The following RGS6 variants were observed in gnomAD, a reference collection of about 807,000 sequenced individuals.
RGS6 encodes regulator of G-protein signaling 6.
A neutral mutation model predicts 78.5 loss-of-function variants in RGS6; 30 were observed. The ratio of observed to expected loss-of-function variants is 0.38; its 90% CI spans 0.29 to 0.52. The LOEUF is 0.52. Ranked by LOEUF, RGS6 falls within the 20% of genes least tolerant of loss-of-function variation. The pLI is 0.85. For missense variants in RGS6, 495 were observed against 609.7 expected (o/e 0.81, Z 1.98); for synonymous variants, 206 against 206.0 (o/e 1.00, Z 0.00).
chr14:72,301,937 C>A (rs570437291), intron 2 of RGS6, among the ~76,000 whole-genome samples: 1 of 152,158 alleles, frequency 6.6e-6, no homozygotes, highest in African/African-American at 2.4e-5. Context: ...GGGGTGGGGA[C>A]TTCAATATAT....
chr14:72,244,981 C>T (rs1254113582), intron 2 of RGS6, among the ~76,000 whole-genome samples: 3 of 152,158 alleles, frequency 2.0e-5, no homozygotes, highest in African/African-American at 7.2e-5. Flanking sequence ...CCCACCACCA[C>T]ACCCCACTAA....
At chr14:71,930,395 T>C (rs1380213921), upstream of RGS6, among the ~76,000 whole-genome samples, 3 of 152,138 alleles carry the variant, frequency 2.0e-5, no homozygotes, top group Non-Finnish European at 2.9e-5. Flanking sequence ...CTCTATTACA[T>C]ACATATATAT....
intron 1 of RGS6, among the ~76,000 whole-genome samples, chr14:71,937,308 CA>C (rs2089630950): frequency 6.6e-6 from 1 of 152,122 alleles, no homozygotes; most frequent in Non-Finnish European, 1.5e-5. Flanking sequence ...TCTAGGCCAG[CA>C]GAAGGTAATG....
chr14:72,329,556 C>G (rs534302644), intron 2 of RGS6, among the ~76,000 whole-genome samples: 1 of 152,262 alleles, frequency 6.6e-6, no homozygotes, highest in Non-Finnish European at 1.5e-5. Context: ...CCAGTAAGTC[C>G]TTTTCTAAGG....
rs555673092 is a variant in RGS6 at position 72,495,233 on chromosome 14, T to C, written c.936T>C (p.Asp312=). 8.1e-6 allele frequency: 13 copies of C among 1,613,404 alleles called. No homozygotes were observed. Among genetic ancestry groups the C allele is most frequent in the Middle Eastern group, 1.7e-4 (1 of 6,058 alleles). The part of the protein sequence containing the change: ...PAEPSNPWIS[D]DVALWDIEMS... Reference sequence around the variant, plus strand: ...AGCCATCCAACCCTTGGATCAGCGATGACGTTGCTTTGTGGGACATAGAGA... The same window carrying C: ...AGCCATCCAACCCTTGGATCAGCGACGACGTTGCTTTGTGGGACATAGAGA... Residue 312 remains aspartate (D), a synonymous_variant, in exon 13 of 18, where the codon GAT becomes GAC. Transcript: ENST00000553525.
At chr14:72,374,157 G>A (rs1009367262) in intron 3 of RGS6, among the ~76,000 whole-genome samples, 1 of 152,090 alleles carries the variant, frequency 6.6e-6, no homozygotes, top group Non-Finnish European at 1.5e-5. Context: ...TGTTACATAT[G>A]TATACATGTG....
At position 72,563,667 on chromosome 14, in the gene RGS6, A is replaced by G. The variant is rs548444587; in HGVS notation, c.*1200A>G. The G allele has an allele frequency of 1.3e-5, 2 of 152,388 alleles. No individual in the cohort carries two copies. The highest frequency in any genetic ancestry group is 4.8e-5 in the African/African-American group (2 of 41,576). 9.4% of individuals were successfully genotyped at this position (152,388 alleles called of 1,614,324 possible). A position where few individuals can be genotyped will look rare whatever the true frequency, so the allele number is the denominator to read the frequency against. ...GTATTCCCTGTGTGTGTGTGTCAAAATGACCATTTGCCAACCTGGCTGTGA... is the reference window on the plus strand; with the variant it reads ...GTATTCCCTGTGTGTGTGTGTCAAAGTGACCATTTGCCAACCTGGCTGTGA... On this transcript the variant is annotated 3_prime_UTR_variant, in exon 18 of 18. Transcript: ENST00000553525.
chr14:72,547,363 A>G (rs1429760060), intron 17 of RGS6: 9 of 1,529,426 alleles, frequency 5.9e-6, no homozygotes, highest in Non-Finnish European at 7.9e-6. Context: ...TTCAAAGGCT[A>G]AGAAGTAAGA....
chr14:72,038,131 G>A (rs193088999), intron 2 of RGS6, among the ~76,000 whole-genome samples: 20 of 152,040 alleles, frequency 1.3e-4, no homozygotes, highest in African/African-American at 4.6e-4. Flanking sequence ...CACCATGCCT[G>A]GCTAATTTTT....
At chr14:72,334,332 TTCCTA>T (rs2075638202) in intron 2 of RGS6, among the ~76,000 whole-genome samples, 1 of 152,174 alleles carries the variant, frequency 6.6e-6, no homozygotes, top group Non-Finnish European at 1.5e-5. Flanking sequence ...GGAAAGAGCC[TTCCTA>T]TATGTCTCGT....
chr14:72,379,777 C>G (rs542778062), intron 3 of RGS6, among the ~76,000 whole-genome samples: 17 of 152,136 alleles, frequency 1.1e-4, no homozygotes, highest in African/African-American at 4.1e-4. Context: ...AATGCAATCT[C>G]TACCAAAATA....
At chr14:72,465,016 C>T (rs1246966394) in intron 6 of RGS6, among the ~76,000 whole-genome samples, 1 of 152,180 alleles carries the variant, frequency 6.6e-6, no homozygotes, top group African/African-American at 2.4e-5. Flanking sequence ...CTATCTGAAA[C>T]ACCAACTTGG....
the RGS6 span, among the ~76,000 whole-genome samples, chr14:72,586,451 T>A: frequency 5.4e-4 from 82 of 152,324 alleles, 1 homozygote; most frequent in African/African-American, 1.9e-3. Context: ...CCTCAAGTTC[T>A]TGCCAGAAGC....
At chr14:71,966,867 GT>G (rs997492041) in intron 2 of RGS6, among the ~76,000 whole-genome samples, 20 of 151,244 alleles carry the variant, frequency 1.3e-4, no homozygotes, top group East Asian at 5.8e-4. Flanking sequence ...TATACAGTGA[GT>G]TTTTTTTTAA....
the RGS6 span, among the ~76,000 whole-genome samples, chr14:71,875,762 G>A: frequency 6.6e-6 from 1 of 152,098 alleles, no homozygotes; most frequent in East Asian, 1.9e-4. Flanking sequence ...GATCTTTCCT[G>A]CTTTCTCTTG....
the RGS6 span, among the ~76,000 whole-genome samples, chr14:72,579,819 C>T: frequency 2.0e-5 from 3 of 152,312 alleles, no homozygotes; most frequent in Admixed American, 6.5e-5. Context: ...CACCTGGAGG[C>T]CACTGAAGTA....
chr14:71,959,231 A>G (rs2093017927), intron 1 of RGS6, among the ~76,000 whole-genome samples: 1 of 152,080 alleles, frequency 6.6e-6, no homozygotes, highest in Non-Finnish European at 1.5e-5. Context: ...ATTCCTGCCC[A>G]CTCAGTCAGA....
chr14:71,928,465 GC>G (rs1243041454), upstream of RGS6, among the ~76,000 whole-genome samples: 2 of 152,124 alleles, frequency 1.3e-5, no homozygotes, highest in Non-Finnish European at 2.9e-5. Context: ...TGGTCAATGG[GC>G]CACATGACCC....
intron 2 of RGS6, among the ~76,000 whole-genome samples, chr14:72,162,719 G>A (rs1048846808): frequency 6.6e-6 from 1 of 151,840 alleles, no homozygotes; most frequent in Non-Finnish European, 1.5e-5. Flanking sequence ...AGCACAATTC[G>A]CAATTGCAAA....
Sources: gnomAD v4.1 joint callset for allele counts (sites outside exome capture counted in the v4.1 genomes callset) on GRCh38, gnomAD v4.1.1 for gene constraint, MANE v1.5 for transcripts, NCBI Gene and HGNC (gene_info 2026-07-23, HGNC 2026-07-21) for gene names.